Variants in OSBPL5 observed in about 807,000 individuals in gnomAD.
OSBPL5 encodes the protein oxysterol binding protein like 5.
A neutral mutation model predicts 111.2 loss-of-function variants in OSBPL5; 71 were observed. The observed-to-expected ratio is 0.64, with a 90% confidence interval of 0.53 to 0.78. The LOEUF (loss-of-function observed/expected upper bound fraction) is 0.78, where lower values mean the gene tolerates loss of function less well. Ranked by LOEUF, OSBPL5 falls within the 30% of genes least tolerant of loss-of-function variation. OSBPL5 has a pLI of 0.00. For synonymous variants in OSBPL5, 549 were observed against 513.9 expected (o/e 1.07, Z -0.93); for missense variants, 1,210 against 1,189.3 (o/e 1.02, Z -0.26).
chr11:3,160,390 C>T (rs1377113401), intron 1 of OSBPL5, among the ~76,000 whole-genome samples: 1 of 152,210 alleles, frequency 6.6e-6, no homozygotes, highest in African/African-American at 2.4e-5. Flanking sequence ...AGGAGCGGGA[C>T]GCACTGCTTC....
chr11:3,109,518 C>T lies in OSBPL5; in HGVS notation c.692-1573G>A, dbSNP rs932080290. ...GGAGACAGTGAGTTTTTCTCCCTCA[C>T]TTTGAGATCCATTAAATCCTGCTCT... On this transcript the variant is annotated intron_variant, in intron 7 of 21. Transcript: ENST00000263650. This position sits in a 1 kb window ranked among gnomAD's most constrained non-coding sequence, Gnocchi z 7.4. 6.6e-6 allele frequency among the ~76,000 whole-genome samples: 1 copy of T among 152,204 alleles called. No homozygotes were observed. The highest frequency in any genetic ancestry group is 2.1e-4 in the South Asian group (1 of 4,826).
At position 3,107,511 on chromosome 11, in the gene OSBPL5, C is replaced by A; in HGVS notation, c.867-56G>T. 1.3e-6 allele frequency: 2 copies of A among 1,572,498 alleles called. No homozygotes were observed. The highest frequency in any genetic ancestry group is 2.2e-5 in the South Asian group (2 of 89,154). On this transcript the variant is annotated intron_variant, in intron 8 of 21. Transcript: ENST00000263650. This position sits in a 1 kb window ranked among gnomAD's most constrained non-coding sequence, Gnocchi z 6.1. ...GTCACAGGTGAGAGCCCAGCACAGC[C>A]CTCTGGGCTGCCCACCCCTCGCTGC...
intron 1 of OSBPL5, among the ~76,000 whole-genome samples, chr11:3,131,767 T>C: frequency 3.7e-5 from 1 of 27,198 alleles, no homozygotes; most frequent in Admixed American, 3.1e-4. Context: ...TCCACCATCT[T>C]CCCATCCATC....
At chr11:3,132,401 T>G (rs776120640) in intron 1 of OSBPL5, among the ~76,000 whole-genome samples, 3 of 152,120 alleles carry the variant, frequency 2.0e-5, no homozygotes, top group African/African-American at 4.8e-5. Context: ...GACTTCCTGA[T>G]GCCCTACAGC....
chr11:3,108,091 C>G, intron 7 of OSBPL5, 146 bp from the exon 8 acceptor site: 1 of 1,032,642 alleles, frequency 9.7e-7, no homozygotes, highest in Non-Finnish European at 1.4e-6. Context: ...CCTGCCCCAG[C>G]AGGGACATGC....
rs1179117405 is a variant in OSBPL5, at chr11:3,146,892, A to G, written c.-21-17723T>C. ...TGATTCGCCTCTCACGCCCCTTCCC[A>G]GCACACCCAGCTCTGGTCTTCACGA... On this transcript the variant is annotated intron_variant, in intron 1 of 21. Transcript: ENST00000263650. The surrounding 1 kb of genome is among the most constrained non-coding windows in gnomAD (Gnocchi z 7.8). Among the ~76,000 whole-genome samples, 5 of 152,068 alleles carry G rather than the reference A, an allele frequency of 3.3e-5. 1 individual carries two copies. Among genetic ancestry groups the G allele is most frequent in the Admixed American group, 2.0e-4 (3 of 15,274 alleles).
chr11:3,149,749 C>T (rs924327859), intron 1 of OSBPL5, among the ~76,000 whole-genome samples: 1 of 152,236 alleles, frequency 6.6e-6, no homozygotes, highest in African/African-American at 2.4e-5. Context: ...AACGACCCCC[C>T]CGTCACTGAC....
intron 13 of OSBPL5, among the ~76,000 whole-genome samples, chr11:3,101,184 A>T (rs985496856): frequency 6.6e-6 from 1 of 152,052 alleles, no homozygotes; most frequent in African/African-American, 2.4e-5. Flanking sequence ...CATGTTGGAC[A>T]GTCTGGTCTC....
rs1372250224 is a variant in OSBPL5 at position 3,092,028 on chromosome 11, T to C, written c.2259+404A>G. ...CCTCAGGTTACTCCCTGGAGCCTCC[T>C]GCTGTCCCGCTTCCCCTTTCCAGAC... On this transcript the variant is annotated intron_variant, in intron 19 of 21. Coordinates refer to ENST00000263650, the MANE Select transcript of OSBPL5 (RefSeq NM_020896.4). The surrounding 1 kb of genome is among the most constrained non-coding windows in gnomAD (Gnocchi z 5.4). 6.6e-6 allele frequency among the ~76,000 whole-genome samples: 1 copy of C among 152,220 alleles called. No homozygotes were observed. The highest frequency in any genetic ancestry group is 1.5e-5 in the Non-Finnish European group (1 of 68,038).
rs1857747733 is a variant in OSBPL5, at chr11:3,107,538, C to T, written c.867-83G>A. On this transcript the variant is annotated intron_variant, in intron 8 of 21. Transcript: ENST00000263650. The surrounding 1 kb of genome is among the most constrained non-coding windows in gnomAD (Gnocchi z 6.1). ...TCTGGGCTGCCCACCCCTCGCTGCT[C>T]CGCACTTCACATACGTTCCTGCCTG... 3.3e-6 allele frequency: 5 copies of T among 1,493,376 alleles called. No homozygotes were observed. The highest frequency in any genetic ancestry group is 3.6e-5 in the Admixed American group (2 of 55,924). 92.5% of individuals were successfully genotyped at this position (1,493,376 alleles called of 1,614,324 possible). A position where few individuals can be genotyped will look rare whatever the true frequency, so the allele number is the denominator to read the frequency against.
chr11:3,112,651 C>T (rs1393394177), intron 7 of OSBPL5, among the ~76,000 whole-genome samples: 1 of 152,106 alleles, frequency 6.6e-6, no homozygotes, highest in East Asian at 1.9e-4. Context: ...TTTCTGGAGA[C>T]CTAGGATTCA....
rs969754225 is a variant in OSBPL5 at position 3,165,277 on chromosome 11, G to C, written c.-83C>G. 1 of 151,370 alleles carries C rather than the reference G, an allele frequency of 6.6e-6. No individual in the cohort carries two copies. Among genetic ancestry groups the C allele is most frequent in the Non-Finnish European group, 1.5e-5 (1 of 67,784 alleles). The allele number at this position is 151,370 out of a possible 1,614,324, so 9.4% of individuals were successfully genotyped here. On this transcript the variant is annotated 5_prime_UTR_variant, in exon 1 of 22. Coordinates refer to ENST00000263650, the MANE Select transcript of OSBPL5 (RefSeq NM_020896.4). The surrounding 1 kb of genome is among the most constrained non-coding windows in gnomAD (Gnocchi z 7.4). The stretch of plus-strand genomic sequence containing the variant: ...CCGGGCGCGCGGGGGCTCCACTGGC[G>C]GCGCGGGCCTGGCTGCAGGAAATGC...
chr11:3,134,825 C>T (rs1238659451), intron 1 of OSBPL5, among the ~76,000 whole-genome samples: 1 of 149,688 alleles, frequency 6.7e-6, no homozygotes, highest in African/African-American at 2.5e-5. Flanking sequence ...ATCCTGTGAC[C>T]CAGAGAGGGG....
chr11:3,103,596 G>GC (rs1857530382), intron 10 of OSBPL5, among the ~76,000 whole-genome samples: 1 of 151,970 alleles, frequency 6.6e-6, no homozygotes, highest in South Asian at 2.1e-4. Flanking sequence ...AAGCCTCCCT[G>GC]CCCATGCTCT....
At chr11:3,103,028 C>T (rs1192587557) in intron 11 of OSBPL5, among the ~76,000 whole-genome samples, 2 of 152,270 alleles carry the variant, frequency 1.3e-5, no homozygotes, top group Middle Eastern at 3.4e-3. Context: ...CTTGGGGACC[C>T]GGCCTGAGCC....
At chr11:3,135,782 T>G (rs1042843500) in intron 1 of OSBPL5, among the ~76,000 whole-genome samples, 4 of 151,994 alleles carry the variant, frequency 2.6e-5, no homozygotes, top group African/African-American at 9.7e-5. Flanking sequence ...TTGACCCCCC[T>G]TCCTGTTAAC....
chr11:3,112,062 T>TGTGTGTGC (rs75427714), intron 7 of OSBPL5, among the ~76,000 whole-genome samples: 2 of 62,644 alleles, frequency 3.2e-5, no homozygotes, highest in Non-Finnish European at 3.1e-5. Flanking sequence ...TGTGCATGTG[T>TGTGTGTGC]ATGTGTGTGT....
intron 1 of OSBPL5, among the ~76,000 whole-genome samples, chr11:3,134,449 TCCAGAGTGAG>T (rs1320274146): frequency 2.0e-5 from 3 of 151,940 alleles, no homozygotes; most frequent in African/African-American, 7.3e-5. Flanking sequence ...CTCTTCCTAG[TCCAGAGTGAG>T]CCAGGCCCAC....
chr11:3,099,677 T>G (rs1213051070), intron 14 of OSBPL5, among the ~76,000 whole-genome samples: 1 of 152,198 alleles, frequency 6.6e-6, no homozygotes, highest in Non-Finnish European at 1.5e-5. Flanking sequence ...GGCTGACAGC[T>G]GATCATCCCC....
Sources: gnomAD v4.1 joint callset for allele counts (sites outside exome capture counted in the v4.1 genomes callset) on GRCh38, gnomAD v4.1.1 for gene constraint, Gnocchi (gnomAD v3.1) non-coding constraint, MANE v1.5 for transcripts, NCBI Gene and HGNC (gene_info 2026-07-23, HGNC 2026-07-21) for gene names.